Variants in ZNF700 observed in about 807,000 individuals in gnomAD.
The protein encoded by ZNF700 is zinc finger protein 700.
ZNF700 carries 38 observed loss-of-function variants against 65.3 expected under a neutral mutation model. The ratio of observed to expected loss-of-function variants is 0.58; its 90% CI spans 0.45 to 0.76. The LOEUF (loss-of-function observed/expected upper bound fraction) is 0.76, where lower values mean the gene tolerates loss of function less well. Ranked by LOEUF, ZNF700 falls within the 30% of genes least tolerant of loss-of-function variation. The pLI is 0.00. For synonymous variants in ZNF700, 285 were observed against 290.4 expected (o/e 0.98, Z 0.19); for missense variants, 857 against 888.4 (o/e 0.96, Z 0.45).
chr19:11,935,855 C>G (rs1018871487), intron 1 of ZNF700, among the ~76,000 whole-genome samples: 1 of 152,182 alleles, frequency 6.6e-6, no homozygotes, highest in Admixed American at 6.5e-5. Flanking sequence ...TATCCTCCTC[C>G]CAGCCCTCCA....
At position 11,950,718 on chromosome 19, in the gene ZNF700, TTAAA is replaced by T. The variant is rs202071304; in HGVS notation, c.*469_*472del. 1,855 of 208,294 alleles carry T rather than the reference TTAAA, an allele frequency of 8.9e-3. 82 individuals are homozygous for T. Among genetic ancestry groups the T allele is most frequent in the Admixed American group, 0.072 (1,349 of 18,632 alleles). 12.9% of individuals were successfully genotyped at this position (208,294 alleles called of 1,614,324 possible). ...TAAGTATACTAACATGTTATTCTTT[TTAAA>T]TAAGAAGGTATAATAAAATATCCCA... On this transcript the variant is annotated 3_prime_UTR_variant, in exon 4 of 4. Transcript: ENST00000254321.
intron 1 of ZNF700, 30 bp downstream of exon 1, chr19:11,925,303 C>CG (rs1568288208): frequency 6.2e-7 from 1 of 1,608,288 alleles, no homozygotes; most frequent in Non-Finnish European, 8.5e-7. Flanking sequence ...TGTCGTGAGA[C>CG]GGGGGAGGGG....
chr19:11,945,879 T>C (rs573156723), intron 1 of ZNF700, among the ~76,000 whole-genome samples: 2 of 152,208 alleles, frequency 1.3e-5, no homozygotes, highest in African/African-American at 4.8e-5. Context: ...GGTGGATTAC[T>C]TCATGTACCC....
Position 11,949,203 on chromosome 19 carries a change from G to A in ZNF700, c.1179G>A (p.Lys393=), listed in dbSNP as rs1315128855. ...THTGEKRYKC[K]QCGKAFNLSS... The stretch of plus-strand genomic sequence containing the variant: ...CTGGAGAGAAACGCTATAAATGCAA[G>A]CAATGTGGTAAAGCCTTCAATCTTT... The change falls in exon 4 of 4, where the codon AAG becomes AAA. Residue 393 remains lysine (K), a synonymous_variant. Transcript: ENST00000254321. 6.2e-7 allele frequency: 1 copy of A among 1,612,380 alleles called. No homozygotes were observed. Among genetic ancestry groups the A allele is most frequent in the South Asian group, 1.1e-5 (1 of 90,860 alleles).
In ZNF700 at chr19:11,948,439, T is replaced by G. The variant is rs773955903; in HGVS notation, c.415T>G (p.Ser139Ala). The change falls in exon 4 of 4, where the codon TCA (serine) becomes GCA (alanine). Residue 139 changes from serine (S) to alanine (A), a missense_variant. Coordinates refer to ENST00000254321, the MANE Select transcript of ZNF700 (RefSeq NM_144566.3). ...GTGTGCAGAAGTTGGCATAGGTAAC[T>G]CATCTTTTAATATGAGCATCAGAGG... is the stretch of plus-strand genomic sequence containing the variant. ...FVCAEVGIGNSSFNMSIRGDT... is the reference protein window; with the variant it reads ...FVCAEVGIGNASFNMSIRGDT... 4 of 1,614,020 alleles carry G rather than the reference T, an allele frequency of 2.5e-6. No individual in the cohort carries two copies. The African/African-American group carries it at 4.0e-5, about 16-fold the overall frequency.
rs768904907 is a variant in ZNF700 at position 11,947,326 on chromosome 19, C to T, written c.190+19C>T. The T allele has an allele frequency of 1.9e-6, 3 of 1,613,228 alleles. No homozygotes were observed. Among genetic ancestry groups the T allele is most frequent in the Admixed American group, 1.7e-5 (1 of 59,696 alleles). ...TCTATAGGTAAGGATGACAATATTC[C>T]TTCCGTCAGTGCATTAGCAAACCAG... On this transcript the variant is annotated intron_variant, in intron 2 of 3. Transcript: ENST00000254321.
rs144010078 is a variant in ZNF700 at position 11,932,873 on chromosome 19, G to A, written c.63+7600G>A. ...AGGATGGTCTCAATATCCTGACCTCGTGATCCGCCTGCCTCAGCCTCCCAA... is the reference window on the plus strand; with the variant it reads ...AGGATGGTCTCAATATCCTGACCTCATGATCCGCCTGCCTCAGCCTCCCAA... On this transcript the variant is annotated intron_variant, in intron 1 of 3. Coordinates refer to ENST00000254321, the MANE Select transcript of ZNF700 (RefSeq NM_144566.3). Among the ~76,000 whole-genome samples the A allele has an allele frequency of 2.8e-4, 42 of 148,164 alleles. No homozygotes were observed. The East Asian group carries it at 7.0e-3, about 25-fold the overall frequency.
intron 1 of ZNF700, among the ~76,000 whole-genome samples, chr19:11,931,268 T>C (rs910089234): frequency 2.7e-5 from 4 of 148,064 alleles, no homozygotes; most frequent in Non-Finnish European, 4.4e-5. Flanking sequence ...GCAGATCTAG[T>C]GTCCAGCAAG....
chr19:11,949,777 A>G lies in ZNF700; in HGVS notation c.1753A>G (p.Thr585Ala). ...CTCACACCTTCGAATGCATGAAAGGACTCACACTGGAGAGAAACCCTATGA... is the reference window on the plus strand; with the variant it reads ...CTCACACCTTCGAATGCATGAAAGGGCTCACACTGGAGAGAAACCCTATGA... Reference protein sequence around the residue: ...SASHLRMHERTHTGEKPYECK... With the variant: ...SASHLRMHERAHTGEKPYECK... Residue 585 changes from threonine to alanine, a missense_variant, in exon 4 of 4, where the codon ACT (threonine) becomes GCT (alanine). Coordinates refer to ENST00000254321, the MANE Select transcript of ZNF700 (RefSeq NM_144566.3). 1 of 1,613,258 alleles carries G rather than the reference A, an allele frequency of 6.2e-7. No individual in the cohort carries two copies. The highest frequency in any genetic ancestry group is 8.5e-7 in the Non-Finnish European group (1 of 1,179,824).
At chr19:11,940,508 G>C (rs148210007) in intron 1 of ZNF700, among the ~76,000 whole-genome samples, 1 of 151,936 alleles carries the variant, frequency 6.6e-6, no homozygotes, top group African/African-American at 2.4e-5. Context: ...GGAGTTCTTC[G>C]TTCCTCCTGG....
intron 1 of ZNF700, among the ~76,000 whole-genome samples, chr19:11,930,562 T>C: frequency 6.7e-6 from 1 of 148,658 alleles, no homozygotes; most frequent in East Asian, 1.9e-4. Flanking sequence ...CTAGAATTAA[T>C]TAAATTATTG....
At chr19:11,935,992 A>T (rs1270584919) in intron 1 of ZNF700, among the ~76,000 whole-genome samples, 1 of 152,198 alleles carries the variant, frequency 6.6e-6, no homozygotes, top group African/African-American at 2.4e-5. Context: ...TCTGCTGAGT[A>T]TGATGATTTC....
At position 11,948,512 on chromosome 19, in the gene ZNF700, C is replaced by T. The variant is rs1159901579; in HGVS notation, c.488C>T (p.Pro163Leu). The T allele has an allele frequency of 3.7e-6, 6 of 1,612,608 alleles. No individual in the cohort carries two copies. The highest frequency in any genetic ancestry group is 4.2e-6 in the Non-Finnish European group (5 of 1,179,702). Residue 163 changes from proline to leucine, a missense_variant, in exon 4 of 4, where the codon CCA (proline) becomes CTA (leucine). Physicochemically the swap from Pro to Leu is moderately conservative, Grantham distance 98. Transcript: ENST00000254321. ...AYEYQEYGPKPYKCQQPKNKK... is the reference protein window; with the variant it reads ...AYEYQEYGPKLYKCQQPKNKK... ...GAGTATCAGGAATATGGACCAAAGC[C>T]ATATAAGTGTCAACAACCTAAAAAT...
intron 1 of ZNF700, among the ~76,000 whole-genome samples, chr19:11,934,243 C>CGTTTT (rs1972756765): frequency 6.8e-6 from 1 of 147,928 alleles, no homozygotes; most frequent in African/African-American, 2.7e-5. Flanking sequence ...AGTAAGGCTG[C>CGTTTT]TAAAAACGTC....
chr19:11,925,373 C>T (rs1972609845), intron 1 of ZNF700, 100 bp downstream of exon 1: 9 of 1,551,096 alleles, frequency 5.8e-6, no homozygotes, highest in South Asian at 2.2e-5. Context: ...TGGGCGACTC[C>T]GGGGTCTGGG....
At chr19:11,931,147 T>G (rs1345549399) in intron 1 of ZNF700, among the ~76,000 whole-genome samples, 3 of 148,248 alleles carry the variant, frequency 2.0e-5, no homozygotes, top group Admixed American at 6.6e-5. Context: ...TGCCTCTCTA[T>G]CTTAGTCATC....
intron 1 of ZNF700, among the ~76,000 whole-genome samples, chr19:11,929,363 C>A (rs964395176): frequency 6.8e-6 from 1 of 148,008 alleles, no homozygotes; most frequent in African/African-American, 2.6e-5. Context: ...AGGGTTTTAC[C>A]ACACTGGCCA....
At chr19:11,947,127 C>A (rs1972971928) in intron 1 of ZNF700, 54 bp from the exon 2 acceptor site, 1 of 1,592,374 alleles carries the variant, frequency 6.3e-7, no homozygotes, top group Non-Finnish European at 8.5e-7. Context: ...AGAGTCTAGG[C>A]CTCCAGTGCT....
intron 1 of ZNF700, among the ~76,000 whole-genome samples, chr19:11,945,520 T>C (rs1972945613): frequency 6.6e-6 from 1 of 152,126 alleles, no homozygotes; most frequent in Non-Finnish European, 1.5e-5. Flanking sequence ...CCTGGATTCC[T>C]TCAAGAGCTT....
Sources: allele counts gnomAD v4.1 joint callset (sites outside exome capture counted in the v4.1 genomes callset), GRCh38; gene constraint gnomAD v4.1.1; transcripts MANE v1.5; gene names NCBI Gene and HGNC (gene_info 2026-07-23, HGNC 2026-07-21).